GNAL: variants seen among roughly 807,000 people sequenced by gnomAD.
GNAL encodes the protein guanine nucleotide-binding protein G(olf) subunit alpha.
A neutral mutation model predicts 55.1 loss-of-function variants in GNAL; 18 were observed. The observed-to-expected ratio is 0.33, with a 90% confidence interval of 0.23 to 0.48. GNAL has a LOEUF of 0.48. Among genes scored for constraint, GNAL ranks in the 20% least tolerant of loss-of-function variants. The probability of loss-of-function intolerance (pLI) is 0.99; values close to 1 mark genes in which losing one functional copy is unlikely to be tolerated. For synonymous variants in GNAL, 253 were observed against 237.0 expected (o/e 1.07, Z -0.62); for missense variants, 412 against 614.1 (o/e 0.67, Z 3.48).
At chr18:11,736,015 TC>T (rs2032455099) in intron 1 of GNAL, among the ~76,000 whole-genome samples, 1 of 152,300 alleles carries the variant, frequency 6.6e-6, no homozygotes, top group East Asian at 1.9e-4. Flanking sequence ...CTCTGTCTTG[TC>T]CCGCAACTTA....
chr18:11,868,686 T>C lies in GNAL; in HGVS notation c.1031+23T>C. ...CAGGTGACAAAAATAGCAAATTCAG[T>C]CTTACCATTGGATTGCAAATTTTCT... On this transcript the variant is annotated intron_variant, in intron 9 of 11. Transcript: ENST00000334049. This position sits in a 1 kb window ranked among gnomAD's most constrained non-coding sequence, Gnocchi z 4.0. The C allele has an allele frequency of 1.9e-6, 3 of 1,595,432 alleles. No individual in the cohort carries two copies. The highest frequency in any genetic ancestry group is 2.3e-5 in the East Asian group (1 of 44,434).
intron 1 of GNAL, among the ~76,000 whole-genome samples, chr18:11,705,645 C>T (rs1214010467): frequency 6.6e-6 from 1 of 152,062 alleles, no homozygotes; most frequent in Non-Finnish European, 1.5e-5. Context: ...TGATAATGGC[C>T]ATCCTAACAG....
In GNAL at chr18:11,884,603, T is replaced by C; in HGVS notation, c.*3468T>C. ...CGTGGGAGGTAGCACTTGGAGAGGG[T>C]GTAGTCTGTGGGCGTGATGCTACCC... On this transcript the variant is annotated 3_prime_UTR_variant, in exon 12 of 12. Coordinates refer to ENST00000334049, the MANE Select transcript of GNAL (RefSeq NM_182978.4). The C allele has an allele frequency of 1.2e-6, 2 of 1,613,586 alleles. No individual in the cohort carries two copies. Among genetic ancestry groups the C allele is most frequent in the Non-Finnish European group, 1.7e-6 (2 of 1,179,970 alleles).
At chr18:11,766,429 A>G (rs1480538558) in intron 4 of GNAL, among the ~76,000 whole-genome samples, 1 of 152,212 alleles carries the variant, frequency 6.6e-6, no homozygotes, top group Admixed American at 6.5e-5. Context: ...CATAAAATCC[A>G]AAAGATATAA....
Position 11,881,162 on chromosome 18 carries a change from G to T in GNAL, c.*27G>T, listed in dbSNP as rs138734039. On this transcript the variant is annotated 3_prime_UTR_variant, in exon 12 of 12. Transcript: ENST00000334049. This position sits in a 1 kb window ranked among gnomAD's most constrained non-coding sequence, Gnocchi z 4.8. ...GATGCTGCCGCCACCCTGCGACGGAGCGGCGCCCCGGACTGCCTGACTGCC... is the reference window on the plus strand; with the variant it reads ...GATGCTGCCGCCACCCTGCGACGGATCGGCGCCCCGGACTGCCTGACTGCC... 2,744 of 1,581,584 alleles carry T rather than the reference G, an allele frequency of 1.7e-3. 48 individuals are homozygous for T. In the African/African-American group the frequency reaches 0.033, roughly 19 times the overall value.
At chr18:11,781,381 T>C (rs985592784) in intron 4 of GNAL, among the ~76,000 whole-genome samples, 1 of 152,154 alleles carries the variant, frequency 6.6e-6, no homozygotes, top group Non-Finnish European at 1.5e-5. Context: ...AATATAGAAT[T>C]TCTGTATCTT....
At chr18:11,776,406 C>G (rs950501798) in intron 4 of GNAL, among the ~76,000 whole-genome samples, 1 of 152,042 alleles carries the variant, frequency 6.6e-6, no homozygotes, top group Non-Finnish European at 1.5e-5. Flanking sequence ...TAAGAAATAA[C>G]TTCCATAATA....
At chr18:11,812,124 A>G (rs954935585) in intron 4 of GNAL, among the ~76,000 whole-genome samples, 5 of 152,058 alleles carry the variant, frequency 3.3e-5, no homozygotes, top group African/African-American at 9.7e-5. Flanking sequence ...ATTTTGTGGG[A>G]AAAAAAATAC....
At chr18:11,836,546 T>G (rs1190841575) in intron 5 of GNAL, among the ~76,000 whole-genome samples, 1 of 152,186 alleles carries the variant, frequency 6.6e-6, no homozygotes, top group Non-Finnish European at 1.5e-5. Flanking sequence ...TTATTGAAAC[T>G]TGCCCTGTGG....
At chr18:11,844,952 G>A (rs1483250627) in intron 5 of GNAL, among the ~76,000 whole-genome samples, 2 of 152,076 alleles carry the variant, frequency 1.3e-5, no homozygotes, top group East Asian at 3.9e-4. Context: ...TGCAACCTCC[G>A]CCTCCTGGGT....
At chr18:11,716,874 G>C (rs2031978983) in intron 1 of GNAL, among the ~76,000 whole-genome samples, 1 of 152,254 alleles carries the variant, frequency 6.6e-6, no homozygotes, top group African/African-American at 2.4e-5. Context: ...CAGGAGCCCA[G>C]CTGGCTTCAC....
At chr18:11,857,701 T>C (rs1163187531) in intron 5 of GNAL, 82 of 985,156 alleles carry the variant, frequency 8.3e-5, no homozygotes, top group Non-Finnish European at 9.4e-5. Context: ...GACGCCGATA[T>C]GCTGCGAGTC....
intron 10 of GNAL, 37 bp from the exon 11 acceptor site, chr18:11,876,584 T>A (rs1403099767): frequency 1.6e-6 from 2 of 1,253,234 alleles, no homozygotes; most frequent in Admixed American, 3.4e-5. Context: ...CTTTGTTTCA[T>A]GTTGCTTAAA....
chr18:11,818,610 G>A (rs2035017033), intron 4 of GNAL, among the ~76,000 whole-genome samples: 1 of 152,202 alleles, frequency 6.6e-6, no homozygotes, highest in Admixed American at 6.5e-5. Context: ...CTGAAAATGT[G>A]GGAGGATGAA....
At chr18:11,774,410 G>T (rs747511093) in intron 4 of GNAL, among the ~76,000 whole-genome samples, 1 of 152,192 alleles carries the variant, frequency 6.6e-6, no homozygotes, top group Non-Finnish European at 1.5e-5. Context: ...ACCAAATTGG[G>T]ATTTTAAAAT....
chr18:11,885,626 G>C lies in GNAL; in HGVS notation c.*4491G>C. The C allele has an allele frequency of 1.9e-6, 3 of 1,582,430 alleles. No homozygotes were observed. The highest frequency in any genetic ancestry group is 2.6e-6 in the Non-Finnish European group (3 of 1,158,190). On this transcript the variant is annotated 3_prime_UTR_variant, in exon 12 of 12. Coordinates refer to ENST00000334049, the MANE Select transcript of GNAL (RefSeq NM_182978.4). ...CAATTAAATAGTTGATTACTGTGTT[G>C]ATTTAAATACTTATGAAAGCTTTCA...
At chr18:11,724,733 G>T (rs527551939) in intron 1 of GNAL, among the ~76,000 whole-genome samples, 1 of 152,296 alleles carries the variant, frequency 6.6e-6, no homozygotes, top group East Asian at 1.9e-4. Context: ...TGCTGTGCAC[G>T]CCTGATGTTA....
intron 5 of GNAL, among the ~76,000 whole-genome samples, chr18:11,862,174 TAAAAAAAAGA>T (rs1398726881): frequency 3.3e-5 from 5 of 150,796 alleles, no homozygotes; most frequent in Non-Finnish European, 7.4e-5. Flanking sequence ...AAGGCAACAT[TAAAAAAAAGA>T]AAAAAAAAGA....
At chr18:11,694,581 T>C (rs2031351698) in intron 1 of GNAL, among the ~76,000 whole-genome samples, 1 of 152,108 alleles carries the variant, frequency 6.6e-6, no homozygotes, top group African/African-American at 2.4e-5. Context: ...CAAGGAATCA[T>C]GGGGTCCAAA....
Sources: allele counts gnomAD v4.1 joint callset (sites outside exome capture counted in the v4.1 genomes callset), GRCh38; gene constraint gnomAD v4.1.1; non-coding constraint Gnocchi (gnomAD v3.1); transcripts MANE v1.5; gene names NCBI Gene and HGNC (gene_info 2026-07-23, HGNC 2026-07-21).